The following MTHFD1 variants were observed in gnomAD, a reference collection of about 807,000 sequenced individuals.
The protein encoded by MTHFD1 is C-1-tetrahydrofolate synthase, cytoplasmic.
MTHFD1 carries 44 observed loss-of-function variants against 110.3 expected under a neutral mutation model. The observed-to-expected ratio is 0.40, with a 90% CI of 0.31 to 0.51. The LOEUF is 0.51. MTHFD1 is among the 20% of genes least tolerant of loss of function. The pLI is 0.60. For synonymous variants in MTHFD1, 402 were observed against 428.8 expected (o/e 0.94, Z 0.77); for missense variants, 909 against 1,173.1 (o/e 0.77, Z 3.29).
rs1383188732 is a variant in MTHFD1, at chr14:64,442,350, T to C, written c.2084T>C (p.Val695Ala). The change falls in exon 21 of 28, where the codon GTG (valine) becomes GCG (alanine). Residue 695 changes from valine to alanine, a missense_variant. By Grantham distance (64) the Val-to-Ala change is moderately conservative (BLOSUM62 0). Transcript: ENST00000652337. ...TATTCCGGCCTCTGCCCCCACGTGG[T>C]GGTGCTTGTTGCCACTGTCAGGGCT... The part of the protein sequence containing the change: ...CRYSGLCPHV[V>A]VLVATVRALK... 1 of 1,614,190 alleles carries C rather than the reference T, an allele frequency of 6.2e-7. No individual in the cohort carries two copies. Among genetic ancestry groups the C allele is most frequent in the Non-Finnish European group, 8.5e-7 (1 of 1,180,020 alleles).
chr14:64,440,838 G>T (rs985756905), intron 18 of MTHFD1: 1 of 226,482 alleles, frequency 4.4e-6, no homozygotes, highest in African/African-American at 2.3e-5. Flanking sequence ...TGATTAAGAT[G>T]CTTGTTTCTA....
At chr14:64,408,515 C>T (rs2077956336) in intron 2 of MTHFD1, among the ~76,000 whole-genome samples, 1 of 152,180 alleles carries the variant, frequency 6.6e-6, no homozygotes, top group Non-Finnish European at 1.5e-5. Flanking sequence ...TCTCGAACTC[C>T]TGACCTTAGG....
At chr14:64,392,205 G>A (rs188661665) in intron 1 of MTHFD1, among the ~76,000 whole-genome samples, 257 of 152,310 alleles carry the variant, frequency 1.7e-3, no homozygotes, top group Non-Finnish European at 3.2e-3. Context: ...TACTGCTTTG[G>A]GGGGTCAATG....
intron 7 of MTHFD1, among the ~76,000 whole-genome samples, chr14:64,418,770 G>A (rs746788158): frequency 9.2e-5 from 14 of 151,798 alleles, no homozygotes; most frequent in African/African-American, 2.4e-4. Flanking sequence ...TGGTCAGGCC[G>A]GTCTTGAACT....
At chr14:64,456,032 T>G (rs906935895) in intron 26 of MTHFD1, among the ~76,000 whole-genome samples, 8 of 152,232 alleles carry the variant, frequency 5.3e-5, no homozygotes, top group East Asian at 1.9e-4. Flanking sequence ...GAAATATGTG[T>G]TGTTCTTTTT....
At chr14:64,452,827 C>G (rs2078396513) in intron 24 of MTHFD1, among the ~76,000 whole-genome samples, 1 of 152,088 alleles carries the variant, frequency 6.6e-6, no homozygotes, top group African/African-American at 2.4e-5. Context: ...TCTGGTTTGA[C>G]AGGACTGATC....
intron 12 of MTHFD1, 78 bp from the exon 13 acceptor site, chr14:64,430,106 T>C (rs1596546521): frequency 8.6e-7 from 1 of 1,167,942 alleles, no homozygotes; most frequent in East Asian, 2.3e-5. Context: ...GTTACAATAA[T>C]GCATTTGCAT....
At position 64,442,082 on chromosome 14, in the gene MTHFD1, C is replaced by T. The variant is rs149492308; in HGVS notation, c.1913C>T (p.Pro638Leu). Residue 638 changes from proline (P) to leucine (L), a missense_variant, in exon 20 of 28, where the codon CCG (proline) becomes CTG (leucine). Coordinates refer to ENST00000652337, the MANE Select transcript of MTHFD1 (RefSeq NM_005956.4). ...EGTPVFVHAG[P>L]FANIAHGNSS... ...ACTCCAGTGTTTGTCCATGCTGGCCCGTTTGCCAACATCGCACATGGCAAT... is the reference window on the plus strand; with the variant it reads ...ACTCCAGTGTTTGTCCATGCTGGCCTGTTTGCCAACATCGCACATGGCAAT... 1.4e-4 allele frequency: 225 copies of T among 1,613,968 alleles called. No individual in the cohort carries two copies. Among genetic ancestry groups the T allele is most frequent in the Non-Finnish European group, 1.9e-4 (220 of 1,179,946 alleles).
intron 27 of MTHFD1, 117 bp from the exon 28 acceptor site, chr14:64,459,641 AG>A: frequency 2.4e-6 from 2 of 816,586 alleles, no homozygotes; most frequent in South Asian, 3.7e-5. Context: ...GTGGCAGGAA[AG>A]GATGTAAATG....
chr14:64,447,977 C>T (rs954705050), intron 22 of MTHFD1: 42 of 544,980 alleles, frequency 7.7e-5, no homozygotes, highest in African/African-American at 7.0e-4. Context: ...TTCTTGAAGG[C>T]TGGGAAACAA....
intron 4 of MTHFD1, 70 bp downstream of exon 4, chr14:64,412,595 G>A (rs1427677993): frequency 1.7e-6 from 2 of 1,205,754 alleles, no homozygotes; most frequent in African/African-American, 3.0e-5. Flanking sequence ...GGTTTACGGG[G>A]GCTTTGGGGA....
chr14:64,419,935 G>T lies in MTHFD1; in HGVS notation c.727+10G>T. On this transcript the variant is annotated intron_variant, in intron 8 of 27. Coordinates refer to ENST00000652337, the MANE Select transcript of MTHFD1 (RefSeq NM_005956.4). ...ATCAATTATGTCCCAGGTGAGTGTTGTTGGAGGAGTAAGGTGGCTGCTGGT... is the reference window on the plus strand; with the variant it reads ...ATCAATTATGTCCCAGGTGAGTGTTTTTGGAGGAGTAAGGTGGCTGCTGGT... 1 of 1,585,566 alleles carries T rather than the reference G, an allele frequency of 6.3e-7. No individual in the cohort carries two copies. The highest frequency in any genetic ancestry group is 8.7e-7 in the Non-Finnish European group (1 of 1,154,182).
At chr14:64,450,368 C>T (rs963794284) in intron 24 of MTHFD1, among the ~76,000 whole-genome samples, 3 of 152,178 alleles carry the variant, frequency 2.0e-5, no homozygotes, top group African/African-American at 4.8e-5. Context: ...TGTGCCCCCA[C>T]GTTCACTTCC....
At position 64,411,111 on chromosome 14, in the gene MTHFD1, A is replaced by C; in HGVS notation, c.148A>C (p.Asn50His). 6.2e-7 allele frequency: 1 copy of C among 1,613,232 alleles called. No individual in the cohort carries two copies. The highest frequency in any genetic ancestry group is 1.1e-5 in the South Asian group (1 of 91,068). ...ILQVGNRDDS[N>H]LYINVKLKAA... Reference sequence around the variant, plus strand: ...CTAGGTTGGCAACAGAGATGATTCCAATCTTTATATAAATGTGAAGCTGAA... The same window carrying C: ...CTAGGTTGGCAACAGAGATGATTCCCATCTTTATATAAATGTGAAGCTGAA... Residue 50 changes from asparagine to histidine, a missense_variant, in exon 3 of 28, where the codon AAT (asparagine) becomes CAT (histidine). This residue lies in a region of MTHFD1 where 424 missense variants were observed against 510.4 expected (regional missense o/e 0.83). Coordinates refer to ENST00000652337, the MANE Select transcript of MTHFD1 (RefSeq NM_005956.4).
rs186961580 is a variant in MTHFD1 at position 64,459,130 on chromosome 14, C to T, written c.*5-629C>T. Reference sequence around the variant, plus strand: ...CTTTCAACATGTGCTCACACCTAGCCGAATCTATCTGGATATTTTCAGACG... The same window carrying T: ...CTTTCAACATGTGCTCACACCTAGCTGAATCTATCTGGATATTTTCAGACG... On this transcript the variant is annotated intron_variant, in intron 27 of 27. Transcript: ENST00000652337. Among the ~76,000 whole-genome samples the T allele has an allele frequency of 6.6e-4, 101 of 152,280 alleles. 2 individuals are homozygous for T. The highest frequency in any genetic ancestry group is 3.9e-4 in the East Asian group (2 of 5,188).
At chr14:64,458,102 GGTGGTTTAGAACTCCTGGCCTCAA>G in intron 26 of MTHFD1, 88 bp from the exon 27 acceptor site, 1 of 831,944 alleles carries the variant, frequency 1.2e-6, no homozygotes, top group Non-Finnish European at 2.1e-6. Flanking sequence ...TGTTGCCCAG[GGTGGTTTAGAACTCCTGGCCTCAA>G]GTGATCCTCT....
chr14:64,424,996 C>T lies in MTHFD1; in HGVS notation c.855+65C>T, dbSNP rs1021753065. 5 of 1,594,022 alleles carry T rather than the reference C, an allele frequency of 3.1e-6. No homozygotes were observed. In the South Asian group the frequency reaches 3.4e-5, roughly 11 times the overall value. ...CTGATCGAGTTTTGGCTGCTTTTCT[C>T]CCCAAGTAGAAATGTCAAAAACCTA... is the stretch of plus-strand genomic sequence containing the variant. On this transcript the variant is annotated intron_variant, in intron 9 of 27. Transcript: ENST00000652337.
At chr14:64,407,488 A>T (rs2140950430) in intron 2 of MTHFD1, among the ~76,000 whole-genome samples, 1 of 151,028 alleles carries the variant, frequency 6.6e-6, no homozygotes, top group African/African-American at 2.4e-5. Flanking sequence ...AGTTTCTGGT[A>T]AGGTGATAGA....
At chr14:64,433,959 G>A (rs2140969980) in intron 15 of MTHFD1, among the ~76,000 whole-genome samples, 1 of 152,180 alleles carries the variant, frequency 6.6e-6, no homozygotes. Flanking sequence ...GAACCTGGGA[G>A]GCGGAGGTTG....
Sources: gnomAD v4.1 joint callset for allele counts (sites outside exome capture counted in the v4.1 genomes callset) on GRCh38, gnomAD v4.1.1 for gene constraint, gnomAD v4.1.1 regional missense constraint, MANE v1.5 for transcripts, NCBI Gene and HGNC (gene_info 2026-07-23, HGNC 2026-07-21) for gene names.